RAPGEF6: variants seen among roughly 807,000 people sequenced by gnomAD.
RAPGEF6 encodes the protein PDZ domain containing guanine nucleotide exchange factor (GEF) 2.
Under a neutral mutation model 171.4 loss-of-function variants are expected in RAPGEF6, and 56 were observed. The observed-to-expected ratio is 0.33, with a 90% CI of 0.26 to 0.41. The LOEUF is 0.41. Ranked by LOEUF, RAPGEF6 falls within the 10% of genes least tolerant of loss-of-function variation. The pLI, the probability that RAPGEF6 is intolerant of heterozygous loss-of-function variation, is 1.00. For synonymous variants in RAPGEF6, 692 were observed against 650.1 expected, an observed-to-expected ratio of 1.06 and a Z score of -0.98; for missense variants, 1,674 against 1,921.4, an observed-to-expected ratio of 0.87 and a Z score of 2.41.
chr5:131,451,087 A>C (rs1753034467), intron 21 of RAPGEF6, among the ~76,000 whole-genome samples: 1 of 152,118 alleles, frequency 6.6e-6, no homozygotes, highest in Non-Finnish European at 1.5e-5. Flanking sequence ...AAACCAAACA[A>C]ACCCTTCTTT....
In RAPGEF6 at chr5:131,427,138, G is replaced by C; in HGVS notation, c.*128C>G. ...CAGGTCTATTTCATTGCTCGGAGTA[G>C]AGGGAATAAAACCTCTGGACTGGTT... On this transcript the variant is annotated 3_prime_UTR_variant, in exon 28 of 28. Coordinates refer to ENST00000509018, the MANE Select transcript of RAPGEF6 (RefSeq NM_016340.6). 1 of 843,268 alleles carries C rather than the reference G, an allele frequency of 1.2e-6. No homozygotes were observed. Among genetic ancestry groups the C allele is most frequent in the East Asian group, 2.4e-5 (1 of 40,976 alleles). 52.2% of individuals were successfully genotyped at this position (843,268 alleles called of 1,614,324 possible). A position where few individuals can be genotyped will look rare whatever the true frequency, so the allele number is the denominator to read the frequency against.
chr5:131,623,965 G>A (rs73264142), intron 1 of RAPGEF6, among the ~76,000 whole-genome samples: 2,833 of 152,216 alleles, frequency 0.019, 72 homozygotes, highest in African/African-American at 0.06. Context: ...GGAAGAAGGC[G>A]CAAAGTATCT....
At chr5:131,444,748 T>A (rs144369075) in intron 22 of RAPGEF6, among the ~76,000 whole-genome samples, 1 of 152,124 alleles carries the variant, frequency 6.6e-6, no homozygotes, top group Non-Finnish European at 1.5e-5. Context: ...GAGGAAGCCA[T>A]GAGGGTGTAT....
In RAPGEF6 at chr5:131,615,360, G is replaced by A. The variant is rs981028996; in HGVS notation, c.70-10667C>T. On this transcript the variant is annotated intron_variant, in intron 1 of 27. Transcript: ENST00000509018. ...TTACACAGGACAGCATGGAGTTGTGGAGTCTGTAATGCTGAGCTTGGAAAA... is the reference window on the plus strand; with the variant it reads ...TTACACAGGACAGCATGGAGTTGTGAAGTCTGTAATGCTGAGCTTGGAAAA... 1.1e-4 allele frequency among the ~76,000 whole-genome samples: 16 copies of A among 152,152 alleles called. 1 individual carries two copies. In the South Asian group the frequency reaches 2.3e-3, roughly 22 times the overall value.
chr5:131,541,887 A>G (rs971339824), intron 6 of RAPGEF6, among the ~76,000 whole-genome samples: 2 of 152,260 alleles, frequency 1.3e-5, no homozygotes, highest in African/African-American at 4.8e-5. Flanking sequence ...ACTATCAGAT[A>G]GGCCTACAAG....
intron 5 of RAPGEF6, among the ~76,000 whole-genome samples, chr5:131,550,911 CCTT>C (rs1454996332): frequency 3.3e-5 from 5 of 152,184 alleles, no homozygotes; most frequent in African/African-American, 9.6e-5. Context: ...AAGTATTACT[CCTT>C]CTATAGCACT....
At chr5:131,613,454 T>C (rs939947603) in intron 1 of RAPGEF6, among the ~76,000 whole-genome samples, 1 of 151,760 alleles carries the variant, frequency 6.6e-6, no homozygotes, top group Non-Finnish European at 1.5e-5. Flanking sequence ...CATATATATA[T>C]ATATATGTAT....
At chr5:131,585,592 G>A (rs35937907) in intron 4 of RAPGEF6, among the ~76,000 whole-genome samples, 1,600 of 152,232 alleles carry the variant, frequency 0.011, 21 homozygotes, top group African/African-American at 0.036. Context: ...TTGGGAGGCC[G>A]AGGTGGATGG....
intron 12 of RAPGEF6, among the ~76,000 whole-genome samples, chr5:131,496,768 A>C (rs1002873151): frequency 6.6e-6 from 1 of 151,980 alleles, no homozygotes; most frequent in African/African-American, 2.4e-5. Context: ...CATTTGGGTC[A>C]TTTCTTCCTT....
rs145634174 is a variant in RAPGEF6, at chr5:131,585,500, T to C, written c.281+6883A>G. On this transcript the variant is annotated intron_variant, in intron 4 of 27. Transcript: ENST00000509018. Reference sequence around the variant, plus strand: ...TAAATGCATACCTGATTGCCTCCTTTGGAGGGGCTAATCAGAAACTCAAAA... The same window carrying C: ...TAAATGCATACCTGATTGCCTCCTTCGGAGGGGCTAATCAGAAACTCAAAA... Among the ~76,000 whole-genome samples, 918 of 151,942 alleles carry C rather than the reference T, an allele frequency of 6.0e-3. 9 individuals carry two copies. Among genetic ancestry groups the C allele is most frequent in the African/African-American group, 0.021 (881 of 41,430 alleles).
intron 4 of RAPGEF6, among the ~76,000 whole-genome samples, chr5:131,574,205 C>T (rs1762466250): frequency 6.6e-6 from 1 of 152,186 alleles, no homozygotes; most frequent in South Asian, 2.1e-4. Context: ...TAAGCTGTGC[C>T]CTATCTGTGC....
rs370643641 is a variant in RAPGEF6 at position 131,433,579 on chromosome 5, G to A, written c.3825C>T (p.Ile1275=). ...TGGAGTCAACAGAACAATTGCTCAC[G>A]ATGCTGGACCGTGAAGAAATCTCAC... ...SHSEISSRSS[I]VSNCSVDSMS... Residue 1275 remains isoleucine, a synonymous_variant, in exon 25 of 28, where the codon ATC becomes ATT. Coordinates refer to ENST00000509018, the MANE Select transcript of RAPGEF6 (RefSeq NM_016340.6). The A allele has an allele frequency of 2.4e-5, 38 of 1,613,694 alleles. No homozygotes were observed. The highest frequency in any genetic ancestry group is 2.8e-5 in the Non-Finnish European group (33 of 1,179,722).
chr5:131,521,889 A>ACT (rs1433858705), intron 6 of RAPGEF6, among the ~76,000 whole-genome samples: 82 of 130,808 alleles, frequency 6.3e-4, no homozygotes, highest in African/African-American at 2.1e-3. Flanking sequence ...ACACACACAC[A>ACT]CACTCTCTCT....
chr5:131,582,805 T>C (rs1763041057), intron 4 of RAPGEF6, among the ~76,000 whole-genome samples: 1 of 152,198 alleles, frequency 6.6e-6, no homozygotes. Flanking sequence ...TCAGAGACAC[T>C]TCATAAAAGA....
chr5:131,543,696 T>C (rs1561549512), intron 6 of RAPGEF6, among the ~76,000 whole-genome samples: 2 of 152,184 alleles, frequency 1.3e-5, no homozygotes, highest in African/African-American at 2.4e-5. Flanking sequence ...ATTCAGTTAG[T>C]GAAGCAAGAA....
At chr5:131,482,726 C>T (rs138332925) in intron 15 of RAPGEF6, among the ~76,000 whole-genome samples, 151 of 152,236 alleles carry the variant, frequency 9.9e-4, no homozygotes, top group Middle Eastern at 3.4e-3. Context: ...CAGTCTAAGA[C>T]GCATAAAACA....
chr5:131,569,743 T>A (rs1028626284), intron 4 of RAPGEF6, among the ~76,000 whole-genome samples: 4 of 151,994 alleles, frequency 2.6e-5, no homozygotes, highest in African/African-American at 9.7e-5. Context: ...AAGACACTAT[T>A]AAGAAGTCAC....
intron 1 of RAPGEF6, among the ~76,000 whole-genome samples, chr5:131,609,608 T>C (rs1242880490): frequency 1.6e-4 from 24 of 152,200 alleles, no homozygotes; most frequent in Admixed American, 1.6e-3. Context: ...CTTCCACTTA[T>C]CAAGGTCTGT....
At chr5:131,601,798 C>A (rs1764272926) in intron 3 of RAPGEF6, among the ~76,000 whole-genome samples, 1 of 152,124 alleles carries the variant, frequency 6.6e-6, no homozygotes, top group Non-Finnish European at 1.5e-5. Context: ...CCTTGGGAGG[C>A]TGAGGCAGGC....
Sources: gnomAD v4.1 joint callset for allele counts (sites outside exome capture counted in the v4.1 genomes callset) on GRCh38, gnomAD v4.1.1 for gene constraint, MANE v1.5 for transcripts, NCBI Gene and HGNC (gene_info 2026-07-23, HGNC 2026-07-21) for gene names.